The following DSCAM variants were observed in gnomAD, a reference collection of about 807,000 sequenced individuals.
The protein encoded by DSCAM is DS cell adhesion molecule, also known as cell adhesion molecule DSCAM.
Under a neutral mutation model 217.7 loss-of-function variants are expected in DSCAM, and 47 were observed. The observed-to-expected ratio is 0.22, with a 90% confidence interval of 0.17 to 0.28. The LOEUF (loss-of-function observed/expected upper bound fraction) is 0.28, where lower values mean the gene tolerates loss of function less well. Ranked by LOEUF, DSCAM falls within the 10% of genes least tolerant of loss-of-function variation. The pLI, the probability that DSCAM is intolerant of heterozygous loss-of-function variation, is 1.00. For missense variants in DSCAM, 2,080 were observed against 2,618.3 expected (o/e 0.79, Z 4.49); for synonymous variants, 1,056 against 1,015.3 (o/e 1.04, Z -0.76).
rs2076140580 is a variant in DSCAM at position 40,498,672 on chromosome 21, TATATATATATATATATATATATATA to T, written c.509-129452_509-129428del. ...GTGTGTGTGTATATATATACCCATATATATATATATATATATATATATATAGATATATATATATGGGTGTATATAT... is the reference window on the plus strand; with the variant it reads ...GTGTGTGTGTATATATATACCCATATGATATATATATATGGGTGTATATAT... On this transcript the variant is annotated intron_variant, in intron 3 of 32. Transcript: ENST00000400454. Among the ~76,000 whole-genome samples the T allele has an allele frequency of 4.0e-4, 2 of 5,024 alleles. 1 individual carries two copies. The highest frequency in any genetic ancestry group is 6.0e-4 in the Non-Finnish European group (2 of 3,352). 3.3% of individuals were successfully genotyped at this position (5,024 alleles called of 152,430 possible).
At chr21:40,364,882 T>C (rs1359892904) in intron 4 of DSCAM, among the ~76,000 whole-genome samples, 2 of 149,742 alleles carry the variant, frequency 1.3e-5, no homozygotes, top group Non-Finnish European at 3.0e-5. Context: ...TTCAGTTGTA[T>C]AAATGCCTTA....
chr21:40,259,196 G>A (rs77949133), intron 11 of DSCAM, among the ~76,000 whole-genome samples: 2,327 of 152,084 alleles, frequency 0.015, 75 homozygotes, highest in African/African-American at 0.053. Context: ...AAGGAAAAAT[G>A]AAGAGCCTGG....
chr21:40,024,273 C>T lies in DSCAM; in HGVS notation c.5687-10887G>A, dbSNP rs2088333167. ...TACCATGCTGTTTTGGTTACTGTAG[C>T]CTTGTAGTATAGTTTGAAGTCAGGT... On this transcript the variant is annotated intron_variant, in intron 32 of 32. Transcript: ENST00000400454. Among the ~76,000 whole-genome samples, 2 of 92,884 alleles carry T rather than the reference C, an allele frequency of 2.2e-5. 1 individual carries two copies. Among genetic ancestry groups the T allele is most frequent in the Non-Finnish European group, 4.8e-5 (2 of 42,102 alleles). The allele number at this position is 92,884 out of a possible 152,430, so 60.9% of individuals were successfully genotyped here.
intron 3 of DSCAM, among the ~76,000 whole-genome samples, chr21:40,458,091 T>A (rs771464280): frequency 5.1e-4 from 78 of 152,316 alleles, no homozygotes; most frequent in Non-Finnish European, 1.0e-3. Flanking sequence ...TCAATTCACA[T>A]CTCTCAGTCC....
chr21:40,436,698 T>TA (rs1350621564), intron 3 of DSCAM, among the ~76,000 whole-genome samples: 4 of 152,132 alleles, frequency 2.6e-5, no homozygotes, highest in African/African-American at 9.7e-5. Context: ...CAAGTGAAAC[T>TA]AGGCCGCCCT....
rs1377876573 is a variant in DSCAM at position 40,144,599 on chromosome 21, G to C, written c.3151C>G (p.Leu1051Val). 2.5e-6 allele frequency: 4 copies of C among 1,614,062 alleles called. No individual in the cohort carries two copies. Among genetic ancestry groups the C allele is most frequent in the Non-Finnish European group, 3.4e-6 (4 of 1,180,060 alleles). Residue 1051 changes from leucine to valine, a missense_variant, in exon 17 of 33, where the codon CTG (leucine) becomes GTG (valine). Around this residue, in one of 5 missense-constraint regions of DSCAM, gnomAD observed 1,144 missense variants for 1,421.1 expected, o/e 0.81. Coordinates refer to ENST00000400454, the MANE Select transcript of DSCAM (RefSeq NM_001389.5). This position sits in a 1 kb window ranked among gnomAD's most constrained non-coding sequence, Gnocchi z 4.8. The stretch of plus-strand genomic sequence containing the variant: ...TGAGTGAACTTATTCAGGTTGTCCA[G>C]GGTGTAAACCTCACTGTCCCCGCTG... ...DTSGDSEVYTLDNLNKFTQYG... is the reference protein window; with the variant it reads ...DTSGDSEVYTVDNLNKFTQYG...
intron 11 of DSCAM, among the ~76,000 whole-genome samples, chr21:40,193,105 G>A (rs1471687672): frequency 6.6e-6 from 1 of 152,174 alleles, no homozygotes; most frequent in African/African-American, 2.4e-5. Flanking sequence ...TATGGTGAGG[G>A]AACAAGAACA....
chr21:40,232,122 C>T (rs575544671), intron 11 of DSCAM, among the ~76,000 whole-genome samples: 39 of 152,208 alleles, frequency 2.6e-4, no homozygotes, highest in African/African-American at 8.4e-4. Context: ...AATGGAATTC[C>T]ACTACTTCTG....
At chr21:40,235,187 G>A (rs772617232) in intron 11 of DSCAM, among the ~76,000 whole-genome samples, 10 of 152,192 alleles carry the variant, frequency 6.6e-5, no homozygotes, top group African/African-American at 9.6e-5. Context: ...GCCCTACTGA[G>A]GCATTGGGAT....
chr21:40,578,818 A>C (rs1256802391), intron 3 of DSCAM, among the ~76,000 whole-genome samples: 3 of 152,210 alleles, frequency 2.0e-5, no homozygotes, highest in African/African-American at 7.2e-5. Flanking sequence ...TTTAGAATCC[A>C]TCCCTGGGAA....
At chr21:40,352,073 A>AGACCTTG (rs1382809841) in intron 5 of DSCAM, among the ~76,000 whole-genome samples, 1 of 152,214 alleles carries the variant, frequency 6.6e-6, no homozygotes, top group Admixed American at 6.5e-5. Context: ...TTTTGCAATC[A>AGACCTTG]GACCTTGGTG....
intron 11 of DSCAM, among the ~76,000 whole-genome samples, chr21:40,206,317 A>T (rs951076987): frequency 6.6e-6 from 1 of 151,838 alleles, no homozygotes; most frequent in African/African-American, 2.4e-5. Context: ...ACCTGAGGCC[A>T]GGGGTCAAGG....
At chr21:40,291,769 C>G (rs1457805283) in intron 10 of DSCAM, among the ~76,000 whole-genome samples, 1 of 152,182 alleles carries the variant, frequency 6.6e-6, no homozygotes, top group Non-Finnish European at 1.5e-5. Flanking sequence ...CCAGCGTCAC[C>G]CCCCAGGCAT....
At chr21:40,460,030 G>A (rs2075793701) in intron 3 of DSCAM, among the ~76,000 whole-genome samples, 1 of 152,150 alleles carries the variant, frequency 6.6e-6, no homozygotes, top group African/African-American at 2.4e-5. Flanking sequence ...CACAGGAGCA[G>A]AAAACCAAAC....
chr21:40,055,241 A>T (rs2837398), intron 29 of DSCAM, among the ~76,000 whole-genome samples: 19 of 152,068 alleles, frequency 1.2e-4, no homozygotes, highest in Non-Finnish European at 2.5e-4. Context: ...GTGTGGGGGA[A>T]GATACCCTGT....
At chr21:40,804,130 C>T (rs9983857) in intron 1 of DSCAM, among the ~76,000 whole-genome samples, 16,060 of 152,170 alleles carry the variant, frequency 0.11, 1,013 homozygotes, top group East Asian at 0.21. Context: ...AGACAGTGAC[C>T]TGTGCAGTAC....
chr21:40,643,953 C>T (rs1399578223), intron 3 of DSCAM, among the ~76,000 whole-genome samples: 1 of 152,186 alleles, frequency 6.6e-6, no homozygotes, highest in Non-Finnish European at 1.5e-5. Flanking sequence ...CAGACTAATC[C>T]ATGCTTCATT....
intron 21 of DSCAM, 33 bp from the exon 22 acceptor site, chr21:40,087,320 C>T: frequency 6.5e-7 from 1 of 1,543,574 alleles, no homozygotes; most frequent in African/African-American, 1.4e-5. Context: ...ATCCTGATTA[C>T]TCCACAGACG....
At chr21:40,188,552 C>T (rs1240864320) in intron 12 of DSCAM, among the ~76,000 whole-genome samples, 3 of 152,196 alleles carry the variant, frequency 2.0e-5, no homozygotes, top group African/African-American at 4.8e-5. Flanking sequence ...CGCATGACAA[C>T]AGCACAAACC....
Sources: allele counts gnomAD v4.1 joint callset (sites outside exome capture counted in the v4.1 genomes callset), GRCh38; gene constraint gnomAD v4.1.1; regional missense constraint gnomAD v4.1.1; non-coding constraint Gnocchi (gnomAD v3.1); transcripts MANE v1.5; gene names NCBI Gene and HGNC (gene_info 2026-07-23, HGNC 2026-07-21).